COP1: variants seen among roughly 807,000 people sequenced by gnomAD.
COP1 encodes COP1 E3 ubiquitin ligase, also known as E3 ubiquitin-protein ligase COP1.
COP1 carries 24 observed loss-of-function variants against 101.3 expected under a neutral mutation model. The observed-to-expected ratio is 0.24, with a 90% CI of 0.17 to 0.33. The LOEUF is 0.33. COP1 is among the 10% of genes least tolerant of loss of function. COP1 has a pLI of 1.00. For missense variants in COP1, 663 were observed against 906.2 expected, an observed-to-expected ratio of 0.73 and a Z score of 3.45; for synonymous variants, 347 against 341.9, an observed-to-expected ratio of 1.01 and a Z score of -0.17.
intron 15 of COP1, among the ~76,000 whole-genome samples, chr1:176,023,964 A>T (rs1231059086): frequency 6.6e-6 from 1 of 152,082 alleles, no homozygotes; most frequent in African/African-American, 2.4e-5. Context: ...ATATCATCAT[A>T]AGAAAACTAC....
At chr1:176,040,640 T>C (rs1441123284) in intron 14 of COP1, among the ~76,000 whole-genome samples, 2 of 152,204 alleles carry the variant, frequency 1.3e-5, no homozygotes, top group African/African-American at 2.4e-5. Flanking sequence ...AAAAAAGGTA[T>C]TCCATTCTGT....
intron 9 of COP1, among the ~76,000 whole-genome samples, chr1:176,103,175 T>C (rs1409474283): frequency 2.0e-5 from 3 of 152,130 alleles, no homozygotes; most frequent in Non-Finnish European, 4.4e-5. Context: ...ATCCTTGGAG[T>C]TTCCTGAGTG....
chr1:176,088,159 C>T (rs555560133), intron 9 of COP1, among the ~76,000 whole-genome samples: 27 of 151,774 alleles, frequency 1.8e-4, no homozygotes, highest in East Asian at 7.8e-4. Flanking sequence ...ATGTAAATGA[C>T]GAGTTAACGG....
chr1:176,046,970 TCTC>T (rs1312666942), intron 11 of COP1, among the ~76,000 whole-genome samples: 1 of 151,994 alleles, frequency 6.6e-6, no homozygotes, highest in African/African-American at 2.4e-5. Context: ...AAATAAATAA[TCTC>T]CTTTCCTTCA....
intron 9 of COP1, among the ~76,000 whole-genome samples, chr1:176,108,530 T>C (rs560097122): frequency 1.3e-5 from 2 of 152,244 alleles, no homozygotes; most frequent in African/African-American, 4.8e-5. Context: ...CCTGGACGAC[T>C]ATCAACTCAA....
rs563469716 is a variant in COP1 at position 176,024,568 on chromosome 1, T to C, written c.1729+3004A>G. On this transcript the variant is annotated intron_variant, in intron 15 of 19. Transcript: ENST00000367669. ...TGAAGGACTAAACGCTCTTCACGTA[T>C]GATAAAAAGTTTTTCATACTTTTAC... is the stretch of plus-strand genomic sequence containing the variant. Among the ~76,000 whole-genome samples the C allele has an allele frequency of 4.6e-5, 7 of 152,322 alleles. No homozygotes were observed. The South Asian group carries it at 1.4e-3, about 32-fold the overall frequency.
intron 11 of COP1, among the ~76,000 whole-genome samples, chr1:176,061,527 G>A (rs1356834581): frequency 6.6e-6 from 1 of 152,176 alleles, no homozygotes; most frequent in Non-Finnish European, 1.5e-5. Context: ...TCAGGTGGCT[G>A]AGGCAGGAGA....
At chr1:176,106,731 T>C (rs1298956895) in intron 9 of COP1, among the ~76,000 whole-genome samples, 2 of 152,216 alleles carry the variant, frequency 1.3e-5, no homozygotes, top group South Asian at 2.1e-4. Context: ...TAAAAATTCT[T>C]ATCCCCAAAT....
At chr1:175,997,913 G>T (rs1472433630) in intron 15 of COP1, among the ~76,000 whole-genome samples, 1 of 151,862 alleles carries the variant, frequency 6.6e-6, no homozygotes, top group African/African-American at 2.4e-5. Flanking sequence ...ATACCCAAAG[G>T]ACTATAAATA....
At chr1:176,045,803 T>C (rs1176966424) in intron 12 of COP1, among the ~76,000 whole-genome samples, 1 of 152,006 alleles carries the variant, frequency 6.6e-6, no homozygotes, top group Non-Finnish European at 1.5e-5. Context: ...GAAACAATTC[T>C]AATATGTTGA....
intron 15 of COP1, among the ~76,000 whole-genome samples, chr1:175,989,811 G>T (rs1244740996): frequency 6.6e-6 from 1 of 151,954 alleles, no homozygotes; most frequent in Non-Finnish European, 1.5e-5. Flanking sequence ...CCATTATTTA[G>T]ATATATTTTG....
chr1:176,157,355 G>A (rs1693635700), intron 5 of COP1, among the ~76,000 whole-genome samples: 2 of 152,034 alleles, frequency 1.3e-5, no homozygotes, highest in Non-Finnish European at 2.9e-5. Flanking sequence ...AATTTCAAAG[G>A]ACTAAACACA....
intron 1 of COP1, among the ~76,000 whole-genome samples, chr1:176,203,707 T>C (rs912783204): frequency 2.6e-5 from 4 of 152,236 alleles, no homozygotes; most frequent in Non-Finnish European, 5.9e-5. Context: ...TTCAACTTGA[T>C]AATACCTTCA....
At chr1:176,133,577 C>T (rs758356704) in intron 8 of COP1, among the ~76,000 whole-genome samples, 32 of 151,802 alleles carry the variant, frequency 2.1e-4, no homozygotes, top group Non-Finnish European at 4.4e-4. Flanking sequence ...TCCAAAGGGA[C>T]GAGGACTTTG....
intron 15 of COP1, among the ~76,000 whole-genome samples, chr1:176,011,300 C>T (rs550864230): frequency 1.3e-5 from 2 of 152,234 alleles, no homozygotes; most frequent in African/African-American, 4.8e-5. Flanking sequence ...CCAAATGTAG[C>T]TAGAACTAAT....
intron 7 of COP1, 37 bp from the exon 8 acceptor site, chr1:176,135,123 C>CA: frequency 7.6e-7 from 1 of 1,324,338 alleles, no homozygotes; most frequent in Non-Finnish European, 1.1e-6. Context: ...GTAGATATTT[C>CA]AAATAGAAGA....
At chr1:176,018,132 A>C (rs573467627) in intron 15 of COP1, among the ~76,000 whole-genome samples, 3 of 152,174 alleles carry the variant, frequency 2.0e-5, no homozygotes, top group African/African-American at 7.2e-5. Context: ...TTAAAGATGC[A>C]CTAATGTTAG....
chr1:176,142,644 A>T (rs1204364064), intron 6 of COP1, among the ~76,000 whole-genome samples: 1 of 152,116 alleles, frequency 6.6e-6, no homozygotes, highest in African/African-American at 2.4e-5. Context: ...ACCAGTTGGT[A>T]CAGCAAATAT....
intron 15 of COP1, among the ~76,000 whole-genome samples, chr1:175,998,176 T>C (rs531737663): frequency 0.011 from 1,577 of 147,240 alleles, 14 homozygotes; most frequent in Non-Finnish European, 0.014. Flanking sequence ...ATGGATGAAA[T>C]TGGAAATCAT....
Sources: gnomAD v4.1 joint callset for allele counts (sites outside exome capture counted in the v4.1 genomes callset) on GRCh38, gnomAD v4.1.1 for gene constraint, MANE v1.5 for transcripts, NCBI Gene and HGNC (gene_info 2026-07-23, HGNC 2026-07-21) for gene names.